The following BDP1 variants were observed in gnomAD, a reference collection of about 807,000 sequenced individuals.
The protein encoded by BDP1 is BDP1 general transcription factor IIIB subunit, also known as transcription factor TFIIIB component B'' homolog.
Under a neutral mutation model 266.6 loss-of-function variants are expected in BDP1, and 169 were observed. The observed-to-expected ratio is 0.63, with a 90% CI of 0.56 to 0.72. BDP1 has a LOEUF of 0.72. Ranked by LOEUF, BDP1 falls within the 30% of genes least tolerant of loss-of-function variation. The pLI is 0.00. For missense variants in BDP1, 3,015 were observed against 3,053.8 expected, an observed-to-expected ratio of 0.99 and a Z score of 0.30; for synonymous variants, 1,090 against 1,022.4, an observed-to-expected ratio of 1.07 and a Z score of -1.26.
intron 2 of BDP1, among the ~76,000 whole-genome samples, chr5:71,459,509 C>T (rs988419238): frequency 6.6e-6 from 1 of 151,578 alleles, no homozygotes; most frequent in African/African-American, 2.4e-5. Flanking sequence ...GAAACTGTCT[C>T]CAAAAAAAAG....
chr5:71,535,768 C>T (rs1766559848), intron 26 of BDP1, among the ~76,000 whole-genome samples: 1 of 152,094 alleles, frequency 6.6e-6, no homozygotes, highest in African/African-American at 2.4e-5. Context: ...CAGCATGCAG[C>T]AGCATACTTC....
At chr5:71,505,883 C>T (rs902651401) in intron 16 of BDP1, among the ~76,000 whole-genome samples, 4 of 152,138 alleles carry the variant, frequency 2.6e-5, no homozygotes, top group African/African-American at 9.7e-5. Context: ...AAGAAAAGTA[C>T]CTAACCTGAG....
chr5:71,532,297 T>C lies in BDP1; in HGVS notation c.5773-11T>C. 5 of 1,611,718 alleles carry C rather than the reference T, an allele frequency of 3.1e-6. No homozygotes were observed. The highest frequency in any genetic ancestry group is 2.5e-6 in the Non-Finnish European group (3 of 1,178,906). ...ATGCCAAAATGAAATGATAAAACTT[T>C]ATTTTGACAGCTTGAAATAACTGTG... On this transcript the variant is annotated splice_polypyrimidine_tract_variant and intron_variant, in intron 25 of 38. Coordinates refer to ENST00000358731, the MANE Select transcript of BDP1 (RefSeq NM_018429.3).
At chr5:71,459,017 C>T (rs779026320) in intron 2 of BDP1, among the ~76,000 whole-genome samples, 162 bp downstream of exon 2, 74 of 152,154 alleles carry the variant, frequency 4.9e-4, no homozygotes, top group Non-Finnish European at 7.8e-4. Flanking sequence ...ATTGATACAC[C>T]GTGGACTTAA....
chr5:71,528,432 T>A (rs901167594), intron 25 of BDP1, among the ~76,000 whole-genome samples: 1 of 152,232 alleles, frequency 6.6e-6, no homozygotes, highest in Non-Finnish European at 1.5e-5. Context: ...GGAGCATATC[T>A]GAGTCAGTTT....
rs1008172888 is a variant in BDP1, at chr5:71,562,163, A to C, written c.7497-111A>C. 5.5e-6 allele frequency: 6 copies of C among 1,093,512 alleles called. No homozygotes were observed. In the East Asian group the frequency reaches 1.6e-4, roughly 30 times the overall value. 67.7% of individuals were successfully genotyped at this position (1,093,512 alleles called of 1,614,324 possible). A position where few individuals can be genotyped will look rare whatever the true frequency, so the allele number is the denominator to read the frequency against. On this transcript the variant is annotated intron_variant, in intron 37 of 38. Transcript: ENST00000358731. ...CAGTGAGCCGAGATTGCGCCACTGC[A>C]CTCCAGCCTGGGTGAGAGTGAGACT...
At chr5:71,532,234 T>A (rs1766290354) in intron 25 of BDP1, 74 bp from the exon 26 acceptor site, 2 of 1,304,856 alleles carry the variant, frequency 1.5e-6, no homozygotes, top group African/African-American at 2.9e-5. Flanking sequence ...TCTTACTTAT[T>A]CATGTTGAAG....
chr5:71,458,801 A>T lies in BDP1; in HGVS notation c.435A>T (p.Ile145=), dbSNP rs1344462670. The change falls in exon 2 of 39, where the codon ATA becomes ATT. Residue 145 remains isoleucine (I), a synonymous_variant. Transcript: ENST00000358731. ...AGCCATGCTCAGACAGATACCGAATATACAAAGCCCAGAAACTGAGGGAAA... is the reference window on the plus strand; with the variant it reads ...AGCCATGCTCAGACAGATACCGAATTTACAAAGCCCAGAAACTGAGGGAAA... ...EKQPCSDRYR[I]YKAQKLREML... 1 of 1,614,040 alleles carries T rather than the reference A, an allele frequency of 6.2e-7. No homozygotes were observed. Among genetic ancestry groups the T allele is most frequent in the South Asian group, 1.1e-5 (1 of 91,046 alleles).
chr5:71,481,566 CAG>C (rs1049690166), intron 7 of BDP1, among the ~76,000 whole-genome samples: 12 of 151,988 alleles, frequency 7.9e-5, no homozygotes, highest in Admixed American at 1.3e-4. Flanking sequence ...ATAAACAAAA[CAG>C]AATAAAAAAT....
chr5:71,570,662 C>T (rs1216215860), downstream of BDP1, among the ~76,000 whole-genome samples: 6 of 152,244 alleles, frequency 3.9e-5, no homozygotes. Flanking sequence ...CCTACCTGGT[C>T]TAAAACAGTT....
intron 38 of BDP1, chr5:71,562,759 CA>C (rs1361146725): frequency 8.5e-6 from 12 of 1,410,104 alleles, no homozygotes; most frequent in Middle Eastern, 1.9e-4. Flanking sequence ...ACTTAATAGC[CA>C]TTCCTTTAAT....
In BDP1 at chr5:71,458,619, A is replaced by C; in HGVS notation, c.253A>C (p.Ser85Arg). The C allele has an allele frequency of 6.2e-7, 1 of 1,613,446 alleles. No individual in the cohort carries two copies. The highest frequency in any genetic ancestry group is 8.5e-7 in the Non-Finnish European group (1 of 1,179,376). ...TGGDNDVEES[S>R]RSSSTVSQRR... ...TGGTGACAATGATGTTGAAGAATCC[A>C]GTAGATCTTCCTCTACTGTTTCACA... The change falls in exon 2 of 39, where the codon AGT (serine) becomes CGT (arginine). Residue 85 changes from serine to arginine, a missense_variant. Ser to Arg is a moderately radical substitution (Grantham distance 110, BLOSUM62 -1). Transcript: ENST00000358731.
chr5:71,551,331 G>T lies in BDP1; in HGVS notation c.6995+1725G>T, dbSNP rs541385459. On this transcript the variant is annotated intron_variant, in intron 34 of 38. Transcript: ENST00000358731. ...TGATGACTCTTAACGAGCATACTGC[G>T]TTCAAGCATCTGTTTAACAAGCACA... 2.6e-5 allele frequency among the ~76,000 whole-genome samples: 4 copies of T among 152,134 alleles called. No homozygotes were observed. The South Asian group carries it at 6.2e-4, about 24-fold the overall frequency.
At chr5:71,460,006 A>G (rs2150343781) in intron 2 of BDP1, among the ~76,000 whole-genome samples, 1 of 152,364 alleles carries the variant, frequency 6.6e-6, no homozygotes, top group Admixed American at 6.5e-5. Flanking sequence ...AGTATTTCAG[A>G]TAAGAGATGC....
intron 14 of BDP1, 113 bp from the exon 15 acceptor site, chr5:71,502,486 T>C (rs1362850615): frequency 1.9e-6 from 2 of 1,034,926 alleles, no homozygotes; most frequent in East Asian, 5.2e-5. Context: ...ATTATGTCTT[T>C]TCAGGAAACT....
intron 35 of BDP1, among the ~76,000 whole-genome samples, chr5:71,555,032 G>A (rs767154499): frequency 4.6e-5 from 7 of 152,134 alleles, no homozygotes; most frequent in Non-Finnish European, 8.8e-5. Flanking sequence ...TGCTCAGCCT[G>A]TACAAAATTG....
chr5:71,488,620 G>A (rs1763408923), intron 9 of BDP1, among the ~76,000 whole-genome samples: 2 of 151,728 alleles, frequency 1.3e-5, no homozygotes, highest in Non-Finnish European at 1.5e-5. Context: ...GTAGAGACGG[G>A]GTTTCACCAT....
At chr5:71,541,425 T>C (rs1766954603) in intron 28 of BDP1, 29 bp from the exon 29 acceptor site, 1 of 1,030,246 alleles carries the variant, frequency 9.7e-7, no homozygotes, top group African/African-American at 1.6e-5. Context: ...TTGGTCCATT[T>C]TAATTTTGTT....
chr5:71,527,608 G>C (rs913651810), intron 25 of BDP1, among the ~76,000 whole-genome samples: 1 of 151,858 alleles, frequency 6.6e-6, no homozygotes, highest in Admixed American at 6.6e-5. Flanking sequence ...CTTCATTTTC[G>C]AGGTTCAATA....
Sources: gnomAD v4.1 joint callset for allele counts (sites outside exome capture counted in the v4.1 genomes callset) on GRCh38, gnomAD v4.1.1 for gene constraint, MANE v1.5 for transcripts, NCBI Gene and HGNC (gene_info 2026-07-23, HGNC 2026-07-21) for gene names.